The following MYO1D variants were observed in gnomAD, a reference collection of about 807,000 sequenced individuals.
MYO1D encodes the protein unconventional myosin-Id.
In MYO1D, 83 loss-of-function variants were observed where a neutral mutation model predicts 122.0. The ratio of observed to expected loss-of-function variants is 0.68; its 90% confidence interval spans 0.57 to 0.82. The LOEUF is 0.82. Among genes scored for constraint, MYO1D ranks in the 40% least tolerant of loss-of-function variants. MYO1D has a pLI of 0.00. For missense variants in MYO1D, 1,157 were observed against 1,269.5 expected (o/e 0.91, Z 1.35); for synonymous variants, 464 against 446.9 (o/e 1.04, Z -0.48).
intron 1 of MYO1D, among the ~76,000 whole-genome samples, chr17:32,821,466 T>C (rs1036357485): frequency 7.2e-5 from 11 of 152,214 alleles, no homozygotes; most frequent in Admixed American, 5.9e-4. Context: ...GTAATCCTTA[T>C]TGTAGAGAAA....
chr17:32,814,469 T>C (rs1328052983), intron 1 of MYO1D, among the ~76,000 whole-genome samples: 1 of 152,196 alleles, frequency 6.6e-6, no homozygotes, highest in African/African-American at 2.4e-5. Context: ...AGAAACCATA[T>C]AAATGACCTT....
intron 1 of MYO1D, among the ~76,000 whole-genome samples, chr17:32,836,894 T>C (rs1044769510): frequency 1.3e-5 from 2 of 152,132 alleles, no homozygotes; most frequent in Non-Finnish European, 2.9e-5. Flanking sequence ...ATTCTTCTCC[T>C]GAGTATATAC....
intron 13 of MYO1D, among the ~76,000 whole-genome samples, chr17:32,743,308 T>C (rs2089793380): frequency 6.6e-6 from 1 of 152,178 alleles, no homozygotes; most frequent in South Asian, 2.1e-4. Flanking sequence ...ACCTTTCCCC[T>C]GAGATTCAGA....
intron 21 of MYO1D, among the ~76,000 whole-genome samples, chr17:32,571,487 A>C (rs1384118470): frequency 6.6e-6 from 1 of 152,134 alleles, no homozygotes; most frequent in Non-Finnish European, 1.5e-5. Context: ...GAAAAACTGT[A>C]AATTCTGGTG....
intron 16 of MYO1D, among the ~76,000 whole-genome samples, chr17:32,698,329 C>T (rs2089201041): frequency 1.1e-5 from 1 of 91,754 alleles, no homozygotes; most frequent in Admixed American, 1.5e-4. Context: ...TTCCTTCCTT[C>T]TTTCCTTCCT....
At chr17:32,532,708 A>C (rs1910546304) in intron 21 of MYO1D, among the ~76,000 whole-genome samples, 1 of 122,608 alleles carries the variant, frequency 8.2e-6, no homozygotes, top group African/African-American at 3.2e-5. Flanking sequence ...TGGGCGACAG[A>C]GTGAGACTCC....
rs1257483390 is a variant in MYO1D at position 32,862,599 on chromosome 17, A to T, written c.95+14179T>A. On this transcript the variant is annotated intron_variant, in intron 1 of 21. Transcript: ENST00000318217. ...GTGGGATTATACAGTTTTTATGGAT[A>T]ATCTGAGGACAGAAAAATACATACA... Among the ~76,000 whole-genome samples, 5 of 152,258 alleles carry T rather than the reference A, an allele frequency of 3.3e-5. No individual in the cohort carries two copies. In the East Asian group the frequency reaches 9.6e-4, roughly 29 times the overall value.
intron 21 of MYO1D, among the ~76,000 whole-genome samples, chr17:32,503,565 T>G (rs139110100): frequency 1.9e-3 from 290 of 152,306 alleles, no homozygotes; most frequent in African/African-American, 6.2e-3. Context: ...CTGAGAATAT[T>G]GTGAGGCTAA....
At chr17:32,630,675 T>C (rs11867453) in intron 20 of MYO1D, among the ~76,000 whole-genome samples, 76,358 of 151,714 alleles carry the variant, frequency 0.5, 20,154 homozygotes, top group African/African-American at 0.66. Context: ...TGGGTTCACA[T>C]CATCCTCCTG....
intron 21 of MYO1D, among the ~76,000 whole-genome samples, chr17:32,513,348 G>A (rs1447253905): frequency 1.3e-5 from 2 of 152,188 alleles, no homozygotes; most frequent in Admixed American, 6.5e-5. Flanking sequence ...GAGTGAGAAC[G>A]TGGCGACTGG....
At chr17:32,782,705 G>A (rs1054487401) in intron 1 of MYO1D, among the ~76,000 whole-genome samples, 4 of 152,166 alleles carry the variant, frequency 2.6e-5, no homozygotes, top group Non-Finnish European at 5.9e-5. Flanking sequence ...GGAGGCCAAG[G>A]CAGGTGGATT....
intron 21 of MYO1D, among the ~76,000 whole-genome samples, chr17:32,540,180 A>G (rs1910792294): frequency 1.3e-5 from 2 of 152,076 alleles, no homozygotes; most frequent in Non-Finnish European, 2.9e-5. Flanking sequence ...CCCCGTCTCC[A>G]CTAAAAGTAC....
At chr17:32,802,393 T>C (rs1045633746) in intron 1 of MYO1D, among the ~76,000 whole-genome samples, 1 of 152,246 alleles carries the variant, frequency 6.6e-6, no homozygotes, top group Non-Finnish European at 1.5e-5. Flanking sequence ...CTAAGTTTTA[T>C]TTTTAATATC....
chr17:32,722,781 C>T (rs2089527400), intron 14 of MYO1D, among the ~76,000 whole-genome samples: 1 of 152,114 alleles, frequency 6.6e-6, no homozygotes, highest in Non-Finnish European at 1.5e-5. Flanking sequence ...AGCCTTTGTT[C>T]CTGGTTTCTG....
chr17:32,765,219 G>C, intron 7 of MYO1D, 138 bp from the exon 8 acceptor site: 1 of 677,966 alleles, frequency 1.5e-6, no homozygotes, highest in Non-Finnish European at 2.5e-6. Context: ...TATAAAAACA[G>C]TGTTTCATCT....
At chr17:32,758,270 C>T (rs1362725103) in intron 10 of MYO1D, among the ~76,000 whole-genome samples, 1 of 152,032 alleles carries the variant, frequency 6.6e-6, no homozygotes, top group African/African-American at 2.4e-5. Context: ...AAAAAAGAAA[C>T]ATGGAGAAAA....
At chr17:32,839,374 T>C (rs570679621) in intron 1 of MYO1D, among the ~76,000 whole-genome samples, 1 of 152,292 alleles carries the variant, frequency 6.6e-6, no homozygotes, top group East Asian at 1.9e-4. Context: ...TCAAAATAAT[T>C]GTAACCTATA....
intron 21 of MYO1D, among the ~76,000 whole-genome samples, chr17:32,600,149 C>A (rs1411070478): frequency 6.6e-6 from 1 of 152,140 alleles, no homozygotes; most frequent in Non-Finnish European, 1.5e-5. Flanking sequence ...TTTTTCTGAG[C>A]AGCAGGTCTC....
chr17:32,783,661 C>G (rs193141789), intron 1 of MYO1D, among the ~76,000 whole-genome samples: 44 of 152,324 alleles, frequency 2.9e-4, no homozygotes, highest in African/African-American at 1.1e-3. Context: ...GTTTGGTTAT[C>G]AAATACAAAA....
Sources: allele counts gnomAD v4.1 joint callset (sites outside exome capture counted in the v4.1 genomes callset), GRCh38; gene constraint gnomAD v4.1.1; transcripts MANE v1.5; gene names NCBI Gene and HGNC (gene_info 2026-07-23, HGNC 2026-07-21).